The following SPTLC2 variants were observed in gnomAD, a reference collection of about 807,000 sequenced individuals.
SPTLC2 encodes serine palmitoyltransferase 2.
A neutral mutation model predicts 62.0 loss-of-function variants in SPTLC2; 21 were observed. The observed-to-expected ratio is 0.34, with a 90% confidence interval of 0.24 to 0.49. The LOEUF (loss-of-function observed/expected upper bound fraction) is 0.49. Ranked by LOEUF, SPTLC2 falls within the 20% of genes least tolerant of loss-of-function variation. SPTLC2 has a pLI of 0.99. For missense variants in SPTLC2, 511 were observed against 713.0 expected, an observed-to-expected ratio of 0.72 and a Z score of 3.23; for synonymous variants, 261 against 261.8, an observed-to-expected ratio of 1.00 and a Z score of 0.03.
chr14:77,565,017 A>T (rs1022590035), intron 5 of SPTLC2, among the ~76,000 whole-genome samples: 19 of 152,030 alleles, frequency 1.2e-4, no homozygotes, highest in African/African-American at 4.6e-4. Context: ...AGGTGGCTGG[A>T]TCACCTGAGG....
intron 1 of SPTLC2, among the ~76,000 whole-genome samples, chr14:77,606,853 G>C (rs955845017): frequency 1.3e-5 from 2 of 152,094 alleles, no homozygotes; most frequent in African/African-American, 4.8e-5. Flanking sequence ...GCCGGATGTG[G>C]TGGTGCATGA....
intron 6 of SPTLC2, among the ~76,000 whole-genome samples, chr14:77,558,022 T>TAGGGG (rs2079594206): frequency 6.6e-6 from 1 of 151,528 alleles, no homozygotes; most frequent in African/African-American, 2.4e-5. Context: ...GAATACTTAA[T>TAGGGG]AGGGGTGGGA....
At chr14:77,525,943 C>T (rs78742833) in intron 9 of SPTLC2, among the ~76,000 whole-genome samples, 3,741 of 152,044 alleles carry the variant, frequency 0.025, 147 homozygotes, top group African/African-American at 0.086. Flanking sequence ...AATAAAGTGG[C>T]CTGTTATCCT....
At chr14:77,567,520 A>G (rs11850485) in intron 5 of SPTLC2, among the ~76,000 whole-genome samples, 85,719 of 152,154 alleles carry the variant, frequency 0.56, 25,224 homozygotes, top group East Asian at 0.91. Context: ...AAGTTGTTGA[A>G]TATTTTGGCA....
At chr14:77,543,784 G>A (rs1399623589) in intron 9 of SPTLC2, among the ~76,000 whole-genome samples, 1 of 152,132 alleles carries the variant, frequency 6.6e-6, no homozygotes, top group Non-Finnish European at 1.5e-5. Flanking sequence ...GATTCAATCA[G>A]CCAGAATCAT....
chr14:77,516,281 T>A (rs747756695), intron 11 of SPTLC2, among the ~76,000 whole-genome samples: 4 of 152,180 alleles, frequency 2.6e-5, no homozygotes, highest in Non-Finnish European at 5.9e-5. Flanking sequence ...GCAAACATAC[T>A]TGTTGGCAAC....
chr14:77,584,328 C>T (rs11626728), intron 2 of SPTLC2, among the ~76,000 whole-genome samples: 9,557 of 152,202 alleles, frequency 0.063, 403 homozygotes, highest in Non-Finnish European at 0.096. Context: ...TCTGGTCCAA[C>T]ACAGATAGTC....
chr14:77,529,972 C>A (rs1171583568), intron 9 of SPTLC2, among the ~76,000 whole-genome samples: 1 of 152,074 alleles, frequency 6.6e-6, no homozygotes, highest in Non-Finnish European at 1.5e-5. Context: ...TGCCTTATCT[C>A]CTGATAAGAC....
chr14:77,594,564 C>G (rs1306412636), intron 2 of SPTLC2, among the ~76,000 whole-genome samples: 1 of 152,150 alleles, frequency 6.6e-6, no homozygotes, highest in Non-Finnish European at 1.5e-5. Context: ...AGTTTGAGAC[C>G]AGCCTGGGCA....
intron 1 of SPTLC2, among the ~76,000 whole-genome samples, chr14:77,615,567 T>A (rs996452808): frequency 4.6e-5 from 7 of 152,392 alleles, no homozygotes; most frequent in African/African-American, 1.4e-4. Flanking sequence ...CGATCTTGCA[T>A]CTTTTTAACC....
At chr14:77,559,110 A>G (rs574563199) in intron 6 of SPTLC2, among the ~76,000 whole-genome samples, 121 of 152,258 alleles carry the variant, frequency 7.9e-4, no homozygotes, top group Non-Finnish European at 1.5e-3. Flanking sequence ...GCTTAAGGTC[A>G]GGAGTTCGAG....
chr14:77,577,627 C>T (rs1050732224), intron 3 of SPTLC2, among the ~76,000 whole-genome samples: 50 of 152,126 alleles, frequency 3.3e-4, no homozygotes, highest in African/African-American at 1.2e-3. Context: ...AGGCCGGGCA[C>T]GGTGGCTCAC....
intron 3 of SPTLC2, 81 bp from the exon 4 acceptor site, chr14:77,576,996 A>G: frequency 6.6e-7 from 1 of 1,511,000 alleles, no homozygotes; most frequent in Non-Finnish European, 9.2e-7. Context: ...TGGTGACACA[A>G]AAGGAAGCAG....
At chr14:77,547,216 G>C (rs1410383657) in intron 9 of SPTLC2, among the ~76,000 whole-genome samples, 1 of 151,150 alleles carries the variant, frequency 6.6e-6, no homozygotes, top group Non-Finnish European at 1.5e-5. Flanking sequence ...TAGGCAGAAA[G>C]TCACAAAACA....
In SPTLC2 at chr14:77,526,856, G is replaced by A. The variant is rs557689203; in HGVS notation, c.1304-5275C>T. Among the ~76,000 whole-genome samples, 40 of 150,482 alleles carry A rather than the reference G, an allele frequency of 2.7e-4. 1 individual carries two copies. Among genetic ancestry groups the A allele is most frequent in the African/African-American group, 9.5e-4 (39 of 40,922 alleles). Reference sequence around the variant, plus strand: ...GTTGCCCAGGCTGGAGTGCAGTGGCGTGCTCCTGGCTCACTGCAAGCTCCG... The same window carrying A: ...GTTGCCCAGGCTGGAGTGCAGTGGCATGCTCCTGGCTCACTGCAAGCTCCG... On this transcript the variant is annotated intron_variant, in intron 9 of 11. Coordinates refer to ENST00000216484, the MANE Select transcript of SPTLC2 (RefSeq NM_004863.4).
At chr14:77,536,061 C>CT in intron 9 of SPTLC2, 1 of 414,770 alleles carries the variant, frequency 2.4e-6, no homozygotes, top group Non-Finnish European at 4.7e-6. Flanking sequence ...AGCAAAAAGG[C>CT]TAAAAACTGT....
At chr14:77,596,001 T>C (rs1000368093) in intron 2 of SPTLC2, among the ~76,000 whole-genome samples, 1 of 152,052 alleles carries the variant, frequency 6.6e-6, no homozygotes, top group South Asian at 2.1e-4. Flanking sequence ...ATGTAATGTA[T>C]ACAACTCCAG....
At chr14:77,566,462 T>TC (rs1199021381) in intron 5 of SPTLC2, among the ~76,000 whole-genome samples, 5 of 152,156 alleles carry the variant, frequency 3.3e-5, no homozygotes, top group African/African-American at 1.2e-4. Context: ...TTGCTCAAGG[T>TC]CACAAGCACA....
chr14:77,602,470 T>C (rs2079883129), intron 1 of SPTLC2, among the ~76,000 whole-genome samples: 1 of 152,168 alleles, frequency 6.6e-6, no homozygotes, highest in Non-Finnish European at 1.5e-5. Flanking sequence ...ATAGAATTAG[T>C]AATGACTTTC....
Sources: gnomAD v4.1 joint callset for allele counts (sites outside exome capture counted in the v4.1 genomes callset) on GRCh38, gnomAD v4.1.1 for gene constraint, MANE v1.5 for transcripts, NCBI Gene and HGNC (gene_info 2026-07-23, HGNC 2026-07-21) for gene names.